Variants in SLC6A4 observed in about 807,000 individuals in gnomAD.
SLC6A4 encodes the protein sodium-dependent serotonin transporter.
A neutral mutation model predicts 73.4 loss-of-function variants in SLC6A4; 22 were observed. The ratio of observed to expected loss-of-function variants is 0.30; its 90% confidence interval spans 0.21 to 0.43. The LOEUF (loss-of-function observed/expected upper bound fraction) is 0.43. Ranked by LOEUF, SLC6A4 falls within the 20% of genes least tolerant of loss-of-function variation. SLC6A4 has a pLI of 1.00. For missense variants in SLC6A4, 593 were observed against 808.5 expected, an observed-to-expected ratio of 0.73 and a Z score of 3.23; for synonymous variants, 270 against 315.5, an observed-to-expected ratio of 0.86 and a Z score of 1.53.
intron 8 of SLC6A4, among the ~76,000 whole-genome samples, chr17:30,214,379 G>A (rs1304194708): frequency 2.4e-5 from 3 of 124,194 alleles, no homozygotes; most frequent in Admixed American, 1.1e-4. Flanking sequence ...CTGAGATTGC[G>A]CCATTGCACT....
chr17:30,214,395 C>G (rs1256026030), intron 8 of SLC6A4, among the ~76,000 whole-genome samples: 2 of 116,890 alleles, frequency 1.7e-5, no homozygotes, highest in East Asian at 5.4e-4. Flanking sequence ...GCACTCCAGC[C>G]TGGACAACAA....
At chr17:30,217,120 G>A (rs766800510) in intron 6 of SLC6A4, 46 bp downstream of exon 6, 1 of 1,584,704 alleles carries the variant, frequency 6.3e-7, no homozygotes, top group Admixed American at 1.8e-5. Flanking sequence ...TTGAGAGCCT[G>A]TGGGCCCCTG....
At chr17:30,234,571 C>G (rs985386852) in intron 1 of SLC6A4, among the ~76,000 whole-genome samples, 2 of 152,168 alleles carry the variant, frequency 1.3e-5, no homozygotes, top group Admixed American at 6.5e-5. Flanking sequence ...CTCCTAAAAA[C>G]CCAACACTGA....
Position 30,215,655 on chromosome 17 carries a change from C to T in SLC6A4, c.1032G>A (p.Leu344=). ...FFSLGPGFGV[L]LAFASYNKFN... ...ACTTGTTGTAGCTAGCAAAAGCCAG[C>T]AGGACCCCAAAGCCCGGACCAAGAG... Residue 344 remains leucine, a synonymous_variant, in exon 8 of 15, where the codon CTG becomes CTA. Coordinates refer to ENST00000650711, the MANE Select transcript of SLC6A4 (RefSeq NM_001045.6). 3 of 1,614,126 alleles carry T rather than the reference C, an allele frequency of 1.9e-6. No individual in the cohort carries two copies. Among genetic ancestry groups the T allele is most frequent in the Non-Finnish European group, 2.5e-6 (3 of 1,180,010 alleles).
intron 12 of SLC6A4, 85 bp from the exon 13 acceptor site, chr17:30,207,917 G>T: frequency 1.0e-6 from 1 of 973,760 alleles, no homozygotes; most frequent in Non-Finnish European, 1.6e-6. Flanking sequence ...GGGAGAGTCA[G>T]AGTCACAGGA....
At chr17:30,222,777 A>G in intron 2 of SLC6A4, 42 bp downstream of exon 2, 1 of 1,303,736 alleles carries the variant, frequency 7.7e-7, no homozygotes, top group Non-Finnish European at 1.0e-6. Context: ...CCCATTATGC[A>G]TTTGCAAGCC....
At chr17:30,216,259 G>T in intron 6 of SLC6A4, 43 bp from the exon 7 acceptor site, 2 of 814,738 alleles carry the variant, frequency 2.5e-6, no homozygotes, top group Non-Finnish European at 3.7e-6. Context: ...CCAGGGAGGG[G>T]AGGGGAGGGG....
chr17:30,199,677 A>G (rs950389990), intron 14 of SLC6A4, among the ~76,000 whole-genome samples: 27 of 152,194 alleles, frequency 1.8e-4, no homozygotes, highest in African/African-American at 6.5e-4. Context: ...CTGTGTACTG[A>G]ACTTTCACAC....
At chr17:30,227,859 A>G (rs1179593118) in intron 1 of SLC6A4, among the ~76,000 whole-genome samples, 1 of 152,214 alleles carries the variant, frequency 6.6e-6, no homozygotes, top group Admixed American at 6.5e-5. Flanking sequence ...TATCATGAGA[A>G]AGAAAAAGAA....
rs773273312 is a variant in SLC6A4, at chr17:30,215,602, G to C, written c.1076+9C>G. On this transcript the variant is annotated intron_variant, in intron 8 of 14. Transcript: ENST00000650711. ...TTTCAAGCTTTGCTTGGGGACCCCA[G>C]ATACTCACTGGTAGCAGTTGTTGTT... 1.2e-6 allele frequency: 2 copies of C among 1,608,752 alleles called. No individual in the cohort carries two copies. The highest frequency in any genetic ancestry group is 8.5e-7 in the Non-Finnish European group (1 of 1,175,050).
intron 1 of SLC6A4, among the ~76,000 whole-genome samples, chr17:30,223,283 G>A (rs181247007): frequency 2.0e-5 from 3 of 152,292 alleles, no homozygotes; most frequent in African/African-American, 7.2e-5. Flanking sequence ...AAGATAGCCA[G>A]GGATGGACTG....
At chr17:30,230,011 C>T (rs1298638791) in intron 1 of SLC6A4, among the ~76,000 whole-genome samples, 2 of 143,798 alleles carry the variant, frequency 1.4e-5, no homozygotes, top group Admixed American at 1.4e-4. Flanking sequence ...AGGAGCGAAA[C>T]TCCATCTCAA....
intron 11 of SLC6A4, among the ~76,000 whole-genome samples, chr17:30,209,446 C>T (rs745639950): frequency 6.6e-6 from 1 of 151,938 alleles, no homozygotes; most frequent in South Asian, 2.1e-4. Context: ...CTGAGGCGGG[C>T]GTATCACCTG....
In SLC6A4 at chr17:30,218,697, G is replaced by C. The variant is rs966171619; in HGVS notation, c.478+100C>G. 5 of 1,282,248 alleles carry C rather than the reference G, an allele frequency of 3.9e-6. No homozygotes were observed. In the African/African-American group the frequency reaches 7.3e-5, roughly 19 times the overall value. 79.4% of individuals were successfully genotyped at this position (1,282,248 alleles called of 1,614,324 possible). A position where few individuals can be genotyped will look rare whatever the true frequency, so the allele number is the denominator to read the frequency against. ...AAGCAGTCTCCCAGGGATGCCTAAG[G>C]CCTGACTGATTCCAGAAGAAGGTCC... On this transcript the variant is annotated intron_variant, in intron 4 of 14. Transcript: ENST00000650711.
rs199938395 is a variant in SLC6A4 at position 30,195,047 on chromosome 17, T to C, written c.*3409A>G. ...TTCTGTGAGGTGTTGGTAAGAGAAA[T>C]ACCACCTGACATTCCAACTGAAATA... On this transcript the variant is annotated 3_prime_UTR_variant, in exon 15 of 15. Coordinates refer to ENST00000650711, the MANE Select transcript of SLC6A4 (RefSeq NM_001045.6). 2 of 152,208 alleles carry C rather than the reference T, an allele frequency of 1.3e-5. No individual in the cohort carries two copies. Among genetic ancestry groups the C allele is most frequent in the Non-Finnish European group, 2.9e-5 (2 of 68,030 alleles). 9.4% of individuals were successfully genotyped at this position (152,208 alleles called of 1,614,324 possible).
Position 30,203,227 on chromosome 17 carries a change from C to G in SLC6A4, c.1763G>C (p.Cys588Ser). ...GYCIGTSSFICIPTYIAYRLI... is the reference protein window; with the variant it reads ...GYCIGTSSFISIPTYIAYRLI... ...CCGATAAGCTATATATGTGGGGATG[C>G]AAATGAAAGATGAGGTTCCTATGCA... Residue 588 changes from cysteine (C) to serine (S), a missense_variant, in exon 14 of 15, where the codon TGC becomes TCC. Coordinates refer to ENST00000650711, the MANE Select transcript of SLC6A4 (RefSeq NM_001045.6). The G allele has an allele frequency of 6.2e-7, 1 of 1,613,762 alleles. No individual in the cohort carries two copies. The highest frequency in any genetic ancestry group is 8.5e-7 in the Non-Finnish European group (1 of 1,179,758).
chr17:30,218,926 A>G lies in SLC6A4; in HGVS notation c.349T>C (p.Phe117Leu). The stretch of plus-strand genomic sequence containing the variant: ...GCCATGATGGTGTAGGGGAGGAGGA[A>G]TGCCCCTGAGGCAGATGAAAGACAA... ...YICYQNGGGA[F>L]LLPYTIMAIF... The change falls in exon 4 of 15, where the codon TTC (phenylalanine) becomes CTC (leucine). Residue 117 changes from phenylalanine to leucine, a missense_variant. Transcript: ENST00000650711. The G allele has an allele frequency of 1.2e-6, 2 of 1,614,010 alleles. No homozygotes were observed. Among genetic ancestry groups the G allele is most frequent in the Middle Eastern group, 1.7e-4 (1 of 5,992 alleles).
rs1051896908 is a variant in SLC6A4, at chr17:30,195,739, G to T, written c.*2717C>A. ...TAGAGACAGTTAAGCAATGAAGTGG[G>T]GAAGGGGCAATACTATGGAAAATAG... On this transcript the variant is annotated 3_prime_UTR_variant, in exon 15 of 15. Transcript: ENST00000650711. 6.6e-6 allele frequency: 1 copy of T among 151,972 alleles called. No homozygotes were observed. Among genetic ancestry groups the T allele is most frequent in the Admixed American group, 6.6e-5 (1 of 15,252 alleles). 9.4% of individuals were successfully genotyped at this position (151,972 alleles called of 1,614,324 possible).
chr17:30,230,451 C>CT (rs1409003478), intron 1 of SLC6A4, among the ~76,000 whole-genome samples: 1 of 152,200 alleles, frequency 6.6e-6, no homozygotes, highest in African/African-American at 2.4e-5. Context: ...CACAGCTTTT[C>CT]TTTTCCTTTA....
Sources: allele counts gnomAD v4.1 joint callset (sites outside exome capture counted in the v4.1 genomes callset), GRCh38; gene constraint gnomAD v4.1.1; transcripts MANE v1.5; gene names NCBI Gene and HGNC (gene_info 2026-07-23, HGNC 2026-07-21).